ZFP2: variants seen among roughly 807,000 people sequenced by gnomAD.
ZFP2 encodes zinc finger protein ZFP2.
ZFP2 carries 33 observed loss-of-function variants against 36.1 expected under a neutral mutation model. The ratio of observed to expected loss-of-function variants is 0.92; its 90% confidence interval spans 0.69 to 1.22. ZFP2 has a LOEUF of 1.22. ZFP2 is among the 50% of genes most tolerant of loss of function. ZFP2 has a pLI of 0.00. For synonymous variants in ZFP2, 170 were observed against 178.0 expected (o/e 0.96, Z 0.36); for missense variants, 522 against 551.4 (o/e 0.95, Z 0.53).
rs142335960 is a variant in ZFP2, at chr5:178,932,684, A to G, written c.1371A>G (p.Gln457=). 10 of 1,599,710 alleles carry G rather than the reference A, an allele frequency of 6.3e-6. No homozygotes were observed. Among genetic ancestry groups the G allele is most frequent in the Middle Eastern group, 1.7e-4 (1 of 5,980 alleles). The change falls in exon 5 of 5, where the codon CAA becomes CAG. Residue 457 remains glutamine (Q), a synonymous_variant. Coordinates refer to ENST00000361362, the MANE Select transcript of ZFP2 (RefSeq NM_030613.4). ...FSRSTNLTRH[Q]RTHT ...GGAGTACAAACCTTACACGACATCA[A>G]AGAACTCATACGTGAGGAATGTTTT...
chr5:178,913,207 C>A, intron 3 of ZFP2, 136 bp downstream of exon 3: 1 of 292,262 alleles, frequency 3.4e-6, no homozygotes, highest in Non-Finnish European at 5.1e-6. Context: ...TACTGATGGG[C>A]CTCTTTTCTC....
chr5:178,912,104 G>A lies in ZFP2; in HGVS notation c.-449-480G>A, dbSNP rs118184125. On this transcript the variant is annotated intron_variant, in intron 1 of 4. Transcript: ENST00000361362. ...GCCGAGAACGTGCCACTGCACTCCA[G>A]CCTCGGCTACAGAGCAAGACTCGGT... is the stretch of plus-strand genomic sequence containing the variant. Among the ~76,000 whole-genome samples the A allele has an allele frequency of 9.2e-5, 14 of 152,304 alleles. No individual in the cohort carries two copies. In the East Asian group the frequency reaches 2.7e-3, roughly 29 times the overall value.
intron 4 of ZFP2, among the ~76,000 whole-genome samples, chr5:178,920,406 A>G (rs1758534844): frequency 2.0e-5 from 3 of 152,184 alleles, no homozygotes; most frequent in South Asian, 4.1e-4. Flanking sequence ...TGAGAGGCCA[A>G]GGCTGGTGGG....
Position 178,916,710 on chromosome 5 carries a change from G to A in ZFP2, c.-78G>A. 8 of 985,380 alleles carry A rather than the reference G, an allele frequency of 8.1e-6. No individual in the cohort carries two copies. The highest frequency in any genetic ancestry group is 7.2e-6 in the Non-Finnish European group (6 of 829,940). The allele number at this position is 985,380 out of a possible 1,614,324, so 61.0% of individuals were successfully genotyped here. On this transcript the variant is annotated splice_region_variant and 5_prime_UTR_variant, in exon 4 of 5. Coordinates refer to ENST00000361362, the MANE Select transcript of ZFP2 (RefSeq NM_030613.4). ...ACTTACTTGACACAAAACATCTATAGGTAAGTACTGGTACTCCTCTTACGG... is the reference window on the plus strand; with the variant it reads ...ACTTACTTGACACAAAACATCTATAAGTAAGTACTGGTACTCCTCTTACGG...
chr5:178,910,375 T>C, intron 1 of ZFP2: 2 of 1,017,970 alleles, frequency 2.0e-6, no homozygotes, highest in Non-Finnish European at 3.1e-6. Context: ...TCCTCGGCAC[T>C]GGAGTTGGAC....
intron 1 of ZFP2, among the ~76,000 whole-genome samples, chr5:178,908,030 G>C (rs1023470664): frequency 5.9e-5 from 9 of 152,156 alleles, no homozygotes; most frequent in South Asian, 2.1e-4. Context: ...GCTTAAAAGG[G>C]GGTTGTCACC....
rs2113085199 is a variant in ZFP2, at chr5:178,913,033, G to A, written c.-262G>A. On this transcript the variant is annotated 5_prime_UTR_variant, in exon 3 of 5. Transcript: ENST00000361362. ...ACTTCCCAGCTGGAACGAGAACTGA[G>A]TCTGATGCAAAAAGAACCGCCTGAG... 1 of 985,886 alleles carries A rather than the reference G, an allele frequency of 1.0e-6. No individual in the cohort carries two copies. Among genetic ancestry groups the A allele is most frequent in the Middle Eastern group, 5.2e-4 (1 of 1,914 alleles). 61.1% of individuals were successfully genotyped at this position (985,886 alleles called of 1,614,324 possible).
chr5:178,907,065 C>A (rs1197052654), intron 1 of ZFP2, among the ~76,000 whole-genome samples: 1 of 152,008 alleles, frequency 6.6e-6, no homozygotes, highest in Non-Finnish European at 1.5e-5. Context: ...TCCTCAAGCC[C>A]CTGAGGCAGT....
At chr5:178,911,967 C>T (rs1450464373) in intron 1 of ZFP2, among the ~76,000 whole-genome samples, 1 of 152,106 alleles carries the variant, frequency 6.6e-6, no homozygotes, top group African/African-American at 2.4e-5. Context: ...GAAACTCCAT[C>T]TCTACTAAAA....
At position 178,912,679 on chromosome 5, in the gene ZFP2, G is replaced by C. The variant is rs1043754643; in HGVS notation, c.-354G>C. On this transcript the variant is annotated 5_prime_UTR_variant, in exon 2 of 5. Transcript: ENST00000361362. ...CTGCTCAGAGGATGACCGTGTATGGGGAGGTGATGCTGGAGAACTACAGGA... is the reference window on the plus strand; with the variant it reads ...CTGCTCAGAGGATGACCGTGTATGGCGAGGTGATGCTGGAGAACTACAGGA... 1 of 1,063,596 alleles carries C rather than the reference G, an allele frequency of 9.4e-7. No homozygotes were observed. Among genetic ancestry groups the C allele is most frequent in the South Asian group, 3.5e-5 (1 of 28,298 alleles). 65.9% of individuals were successfully genotyped at this position (1,063,596 alleles called of 1,614,324 possible).
At chr5:178,905,680 G>A (rs1320806981) in intron 1 of ZFP2, among the ~76,000 whole-genome samples, 1 of 152,000 alleles carries the variant, frequency 6.6e-6, no homozygotes, top group Non-Finnish European at 1.5e-5. Flanking sequence ...AAGGAGGAAA[G>A]GAATAAAACA....
chr5:178,922,726 A>C, intron 4 of ZFP2: 1 of 1,568,614 alleles, frequency 6.4e-7, no homozygotes, highest in Non-Finnish European at 8.7e-7. Flanking sequence ...AATTAACTGG[A>C]GCAAAGGGAG....
In ZFP2 at chr5:178,929,943, G is replaced by GC. The variant is rs1054715945; in HGVS notation, c.-77-1294_-77-1293insC. 5.0e-5 allele frequency among the ~76,000 whole-genome samples: 5 copies of GC among 100,134 alleles called. 1 individual carries two copies. Among genetic ancestry groups the GC allele is most frequent in the Non-Finnish European group, 1.3e-4 (5 of 38,816 alleles). The allele number at this position is 100,134 out of a possible 152,430, so 65.7% of individuals were successfully genotyped here. On this transcript the variant is annotated intron_variant, in intron 4 of 4. Coordinates refer to ENST00000361362, the MANE Select transcript of ZFP2 (RefSeq NM_030613.4). ...ATAGTGCCAGCATCTGCTTGACGGT[G>GC]GGGGGGGGGGCTCAGGAGGCTTACA...
At chr5:178,902,205 G>T (rs1239951277) in intron 1 of ZFP2, among the ~76,000 whole-genome samples, 1 of 152,050 alleles carries the variant, frequency 6.6e-6, no homozygotes, top group Non-Finnish European at 1.5e-5. Flanking sequence ...TTCTCTTCCT[G>T]TATACACACA....
chr5:178,910,231 A>T, intron 1 of ZFP2: 1 of 1,581,724 alleles, frequency 6.3e-7, no homozygotes, highest in Non-Finnish European at 8.7e-7. Flanking sequence ...TTCCAAGCCA[A>T]GAGCAGCACT....
intron 3 of ZFP2, among the ~76,000 whole-genome samples, chr5:178,915,176 G>A (rs1201192908): frequency 6.6e-6 from 1 of 151,994 alleles, no homozygotes; most frequent in Non-Finnish European, 1.5e-5. Flanking sequence ...TTTTATTGAT[G>A]CCATTTTCAT....
intron 4 of ZFP2, chr5:178,922,617 A>G: frequency 1.3e-6 from 2 of 1,583,424 alleles, no homozygotes; most frequent in African/African-American, 1.3e-5. Flanking sequence ...GGTATGGCCC[A>G]TCTCCTGTAC....
intron 1 of ZFP2, chr5:178,909,974 G>A: frequency 3.6e-6 from 5 of 1,405,106 alleles, no homozygotes; most frequent in Non-Finnish European, 4.0e-6. Flanking sequence ...CTGGAGAATT[G>A]TTCTGGGTAG....
At position 178,931,674 on chromosome 5, in the gene ZFP2, C is replaced by T. The variant is rs1161615035; in HGVS notation, c.361C>T (p.Gln121Ter). The T allele has an allele frequency of 6.2e-7, 1 of 1,614,004 alleles. No individual in the cohort carries two copies. Among genetic ancestry groups the T allele is most frequent in the African/African-American group, 1.3e-5 (1 of 74,916 alleles). Residue 121 changes from glutamine (Q) to a stop codon, truncating the protein, a stop_gained, in exon 5 of 5, where the codon CAG (glutamine) becomes TAG (stop). Transcript: ENST00000361362. LOFTEE classifies it high-confidence loss of function. ...FSQSSSLLKH[Q>*]RIHTGEKPYK... Reference sequence around the variant, plus strand: ...TCAGAGCTCATCCCTTCTTAAGCACCAGAGGATTCATACTGGGGAGAAACC... The same window carrying T: ...TCAGAGCTCATCCCTTCTTAAGCACTAGAGGATTCATACTGGGGAGAAACC...
Sources: gnomAD v4.1 joint callset for allele counts (sites outside exome capture counted in the v4.1 genomes callset) on GRCh38, gnomAD v4.1.1 for gene constraint, MANE v1.5 for transcripts, NCBI Gene and HGNC (gene_info 2026-07-23, HGNC 2026-07-21) for gene names.